OR1J2: variants seen among roughly 807,000 people sequenced by gnomAD.
OR1J2 encodes olfactory receptor 1J2.
For missense variants in OR1J2, 304 were observed against 246.1 expected (o/e 1.24, Z -1.57); for synonymous variants, 142 against 99.7 (o/e 1.42, Z -2.52).
the OR1J2 span, among the ~76,000 whole-genome samples, chr9:122,466,402 C>G: frequency 6.6e-6 from 1 of 152,224 alleles, no homozygotes; most frequent in East Asian, 1.9e-4. Flanking sequence ...CGAATCTACT[C>G]AAGTAGGCTG....
At chr9:122,499,459 C>G in the OR1J2 span, among the ~76,000 whole-genome samples, 1 of 152,254 alleles carries the variant, frequency 6.6e-6, no homozygotes, top group African/African-American at 2.4e-5. Flanking sequence ...CTTTGAATGC[C>G]TGGAGATCTG....
the OR1J2 span, among the ~76,000 whole-genome samples, chr9:122,524,033 G>A: frequency 0.046 from 7,062 of 152,234 alleles, 225 homozygotes; most frequent in Middle Eastern, 0.082. Context: ...AGAAATTTGA[G>A]CTTATGTTTT....
the OR1J2 span, chr9:122,553,811 G>A: frequency 6.2e-7 from 1 of 1,614,088 alleles, no homozygotes; most frequent in Non-Finnish European, 8.5e-7. Flanking sequence ...TAAACGAGCT[G>A]ATGATCATCA....
the OR1J2 span, chr9:122,552,969 A>C: frequency 1.8e-6 from 1 of 542,576 alleles, no homozygotes. Context: ...CTGCTATAGC[A>C]TACAAAGCAC....
the OR1J2 span, among the ~76,000 whole-genome samples, chr9:122,535,149 C>T: frequency 6.6e-6 from 1 of 151,668 alleles, no homozygotes; most frequent in Non-Finnish European, 1.5e-5. Flanking sequence ...GGGTTCTTGC[C>T]CTCCAGAAAA....
the OR1J2 span, chr9:122,520,058 C>T: frequency 1.2e-5 from 19 of 1,612,938 alleles, no homozygotes; most frequent in Admixed American, 3.0e-4. Context: ...GACTCTTCAA[C>T]AGGGCAACAG....
At chr9:122,499,805 T>C in the OR1J2 span, among the ~76,000 whole-genome samples, 1 of 152,132 alleles carries the variant, frequency 6.6e-6, no homozygotes, top group Non-Finnish European at 1.5e-5. Context: ...ATGCTTTGTT[T>C]TCTGCCTGGA....
At chr9:122,486,247 G>A in the OR1J2 span, among the ~76,000 whole-genome samples, 5 of 152,060 alleles carry the variant, frequency 3.3e-5, no homozygotes, top group African/African-American at 9.7e-5. Context: ...GGCATGAACC[G>A]CTGTGCCCAG....
the OR1J2 span, among the ~76,000 whole-genome samples, chr9:122,482,869 A>G: frequency 6.6e-6 from 1 of 152,182 alleles, no homozygotes; most frequent in Admixed American, 6.5e-5. Flanking sequence ...GGTGAGCAGG[A>G]TGAGAGATGG....
At chr9:122,509,960 C>T (rs1828600706), upstream of OR1J2, among the ~76,000 whole-genome samples, 1 of 151,968 alleles carries the variant, frequency 6.6e-6, no homozygotes, top group Non-Finnish European at 1.5e-5. Flanking sequence ...AACACATGGA[C>T]ACAGGGAGGG....
the OR1J2 span, among the ~76,000 whole-genome samples, chr9:122,485,063 C>T: frequency 6.6e-6 from 1 of 151,886 alleles, no homozygotes; most frequent in Admixed American, 6.6e-5. Context: ...AGAAGCCCCA[C>T]CATCACTTTC....
the OR1J2 span, among the ~76,000 whole-genome samples, chr9:122,496,475 G>T: frequency 5.5e-4 from 84 of 152,218 alleles, no homozygotes; most frequent in Middle Eastern, 0.014. Context: ...GGCTGCTTCT[G>T]CTATGTCATA....
the OR1J2 span, among the ~76,000 whole-genome samples, chr9:122,541,216 T>G: frequency 5.3e-5 from 8 of 152,184 alleles, no homozygotes; most frequent in Admixed American, 2.6e-4. Context: ...CAGGGCAATT[T>G]TTCTTTGACA....
At chr9:122,519,109 C>A in the OR1J2 span, 10 of 1,442,868 alleles carry the variant, frequency 6.9e-6, no homozygotes, top group East Asian at 2.3e-5. Flanking sequence ...TTTCAATGTC[C>A]CTCTATTTCC....
the OR1J2 span, among the ~76,000 whole-genome samples, chr9:122,465,718 A>T: frequency 1.3e-5 from 2 of 152,342 alleles, no homozygotes; most frequent in East Asian, 1.9e-4. Context: ...ATTAACTGAG[A>T]CAAACAAATA....
chr9:122,506,664 A>ATT, upstream of OR1J2, among the ~76,000 whole-genome samples: 1 of 152,266 alleles, frequency 6.6e-6, no homozygotes, highest in East Asian at 1.9e-4. Flanking sequence ...TTATAAGTGC[A>ATT]TATAGACGAG....
chr9:122,539,601 A>C, the OR1J2 span, among the ~76,000 whole-genome samples: 1 of 152,324 alleles, frequency 6.6e-6, no homozygotes, highest in East Asian at 1.9e-4. Flanking sequence ...TTATAGCAGC[A>C]TGATTTGTAA....
the OR1J2 span, among the ~76,000 whole-genome samples, chr9:122,453,921 G>A: frequency 0.019 from 2,821 of 152,284 alleles, 83 homozygotes; most frequent in African/African-American, 0.064. Flanking sequence ...TGTTCAGTGA[G>A]GTTCAAAGGC....
chr9:122,461,216 T>C, the OR1J2 span, among the ~76,000 whole-genome samples: 1 of 152,172 alleles, frequency 6.6e-6, no homozygotes, highest in Non-Finnish European at 1.5e-5. Context: ...TGCTTTCAGC[T>C]TTGCCCCATT....
Sources: allele counts gnomAD v4.1 joint callset (sites outside exome capture counted in the v4.1 genomes callset), GRCh38; gene constraint gnomAD v4.1.1; transcripts MANE v1.5; gene names NCBI Gene and HGNC (gene_info 2026-07-23, HGNC 2026-07-21).